Variants in ANO3 observed in about 807,000 individuals in gnomAD.
ANO3 encodes the protein anoctamin-3.
ANO3 carries 99 observed loss-of-function variants against 144.8 expected under a neutral mutation model. The observed-to-expected ratio is 0.68, with a 90% CI of 0.58 to 0.81. The LOEUF is 0.81. Among genes scored for constraint, ANO3 ranks in the 30% least tolerant of loss-of-function variants. ANO3 has a pLI of 0.00. For missense variants in ANO3, 905 were observed against 1,202.2 expected (o/e 0.75, Z 3.66); for synonymous variants, 414 against 392.6 (o/e 1.05, Z -0.64).
At chr11:26,348,417 TG>T (rs1185807762) in intron 1 of ANO3, among the ~76,000 whole-genome samples, 1 of 152,208 alleles carries the variant, frequency 6.6e-6, no homozygotes, top group Non-Finnish European at 1.5e-5. Context: ...TATGGAGTTC[TG>T]GCCTGGGTAT....
intron 13 of ANO3, among the ~76,000 whole-genome samples, chr11:26,555,365 A>G (rs1436692030): frequency 2.6e-5 from 4 of 152,208 alleles, no homozygotes; most frequent in East Asian, 1.9e-4. Context: ...TCACTTGGAC[A>G]TATCTAATAA....
intron 13 of ANO3, among the ~76,000 whole-genome samples, chr11:26,555,248 A>C (rs779452269): frequency 6.6e-6 from 1 of 152,190 alleles, no homozygotes; most frequent in Non-Finnish European, 1.5e-5. Flanking sequence ...GCAAGAACCA[A>C]GTGTGTTAAG....
At position 26,445,451 on chromosome 11, in the gene ANO3, C is replaced by G. The variant is rs374672701; in HGVS notation, c.313+1615C>G. Among the ~76,000 whole-genome samples, 18 of 152,234 alleles carry G rather than the reference C, an allele frequency of 1.2e-4. No homozygotes were observed. The South Asian group carries it at 2.1e-3, about 18-fold the overall frequency. On this transcript the variant is annotated intron_variant, in intron 3 of 26. Coordinates refer to ENST00000256737, the MANE Select transcript of ANO3 (RefSeq NM_031418.4). Reference sequence around the variant, plus strand: ...TTGCCATTCCAAATATTAAAAAGCACTTTCTCTGAATGCTTAACATAATTG... The same window carrying G: ...TTGCCATTCCAAATATTAAAAAGCAGTTTCTCTGAATGCTTAACATAATTG...
At chr11:26,527,932 G>T (rs1382261905) in intron 7 of ANO3, among the ~76,000 whole-genome samples, 1 of 152,120 alleles carries the variant, frequency 6.6e-6, no homozygotes, top group Non-Finnish European at 1.5e-5. Flanking sequence ...AGCTGTTTTG[G>T]CAGAGTTTGT....
At chr11:26,350,980 G>A (rs899618930) in intron 1 of ANO3, among the ~76,000 whole-genome samples, 1 of 152,096 alleles carries the variant, frequency 6.6e-6, no homozygotes. Context: ...TGCCTGATAT[G>A]TAGGGAGAAC....
At chr11:26,380,976 C>T (rs575174876) in intron 1 of ANO3, among the ~76,000 whole-genome samples, 17 of 152,144 alleles carry the variant, frequency 1.1e-4, no homozygotes, top group African/African-American at 4.1e-4. Context: ...AGCGAGACTT[C>T]AACTCAAAAA....
chr11:26,623,747 A>C lies in ANO3; in HGVS notation c.1837-715A>C, dbSNP rs954451779. 7.2e-5 allele frequency among the ~76,000 whole-genome samples: 11 copies of C among 151,904 alleles called. 1 individual carries two copies. The South Asian group carries it at 1.7e-3, about 23-fold the overall frequency. ...TTGCCTTCCAGTGTTGTAAAAAAAA[A>C]CACAATTTTTTTAATTTTTAATTTT... On this transcript the variant is annotated intron_variant, in intron 17 of 26. Coordinates refer to ENST00000256737, the MANE Select transcript of ANO3 (RefSeq NM_031418.4).
chr11:26,530,105 A>T (rs1849325643), intron 7 of ANO3, among the ~76,000 whole-genome samples: 1 of 152,228 alleles, frequency 6.6e-6, no homozygotes, highest in African/African-American at 2.4e-5. Context: ...TGAGAATCTT[A>T]AAAGTCCTGC....
At chr11:26,383,182 C>T (rs1856632321) in intron 1 of ANO3, among the ~76,000 whole-genome samples, 1 of 151,914 alleles carries the variant, frequency 6.6e-6, no homozygotes, top group South Asian at 2.1e-4. Flanking sequence ...ATTTGCCATC[C>T]CATAATCACT....
intron 17 of ANO3, among the ~76,000 whole-genome samples, chr11:26,607,812 G>T (rs1229267362): frequency 6.6e-6 from 1 of 152,146 alleles, no homozygotes; most frequent in East Asian, 1.9e-4. Context: ...CTCTAGATTG[G>T]TTATTCTACA....
At chr11:26,256,857 C>G (rs141968956) in intron 1 of ANO3, among the ~76,000 whole-genome samples, 3 of 152,058 alleles carry the variant, frequency 2.0e-5, no homozygotes, top group Non-Finnish European at 1.5e-5. Flanking sequence ...TTTTGCTCTG[C>G]AGGGAATATT....
At chr11:26,261,780 G>C (rs563045780) in intron 1 of ANO3, among the ~76,000 whole-genome samples, 1 of 152,190 alleles carries the variant, frequency 6.6e-6, no homozygotes, top group Non-Finnish European at 1.5e-5. Flanking sequence ...AAGAGTAATG[G>C]CTTAGCTTTG....
At chr11:26,191,790 C>T (rs1204863714) in intron 1 of ANO3, among the ~76,000 whole-genome samples, 1 of 152,088 alleles carries the variant, frequency 6.6e-6, no homozygotes, top group Non-Finnish European at 1.5e-5. Flanking sequence ...TTCCGAAATG[C>T]ATATGGCCAT....
intron 1 of ANO3, among the ~76,000 whole-genome samples, chr11:26,289,949 G>A (rs1447693550): frequency 6.6e-6 from 1 of 151,892 alleles, no homozygotes; most frequent in Non-Finnish European, 1.5e-5. Flanking sequence ...ATGAGTTAGG[G>A]AGGATTCCCT....
chr11:26,540,749 C>T (rs1849622276), intron 10 of ANO3, among the ~76,000 whole-genome samples: 1 of 152,120 alleles, frequency 6.6e-6, no homozygotes. Flanking sequence ...CAATGAGATA[C>T]CATCTTATGC....
chr11:26,424,639 G>C (rs771784087), intron 1 of ANO3, among the ~76,000 whole-genome samples: 3 of 151,954 alleles, frequency 2.0e-5, no homozygotes, highest in Middle Eastern at 3.4e-3. Flanking sequence ...TCTCAACCAG[G>C]GCTCGGAAAT....
chr11:26,228,317 C>CAT (rs1217760848), intron 1 of ANO3, among the ~76,000 whole-genome samples: 2 of 152,180 alleles, frequency 1.3e-5, no homozygotes, highest in Non-Finnish European at 2.9e-5. Context: ...CACAATTTAT[C>CAT]CCCAGTGAAA....
At chr11:26,607,060 G>C (rs1388508743) in intron 17 of ANO3, among the ~76,000 whole-genome samples, 2 of 151,934 alleles carry the variant, frequency 1.3e-5, no homozygotes, top group Non-Finnish European at 2.9e-5. Flanking sequence ...AATTCCATAT[G>C]ATATTATATG....
intron 1 of ANO3, among the ~76,000 whole-genome samples, chr11:26,394,625 C>T (rs183156109): frequency 8.1e-5 from 12 of 147,516 alleles, no homozygotes; most frequent in African/African-American, 1.2e-4. Context: ...TTGCCCAGAC[C>T]GGAATACAGT....
Sources: allele counts gnomAD v4.1 joint callset (sites outside exome capture counted in the v4.1 genomes callset), GRCh38; gene constraint gnomAD v4.1.1; transcripts MANE v1.5; gene names NCBI Gene and HGNC (gene_info 2026-07-23, HGNC 2026-07-21).